ANKFN1: variants seen among roughly 807,000 people sequenced by gnomAD.
ANKFN1 encodes the protein ankyrin repeat and fibronectin type III domain containing 1, also known as ankyrin repeat and fibronectin type-III domain-containing protein 1.
Under a neutral mutation model 108.7 loss-of-function variants are expected in ANKFN1, and 74 were observed. The observed-to-expected ratio is 0.68, with a 90% CI of 0.56 to 0.83. The LOEUF (loss-of-function observed/expected upper bound fraction) is 0.83. ANKFN1 is among the 40% of genes least tolerant of loss of function. The pLI, the probability that ANKFN1 is intolerant of heterozygous loss-of-function variation, is 0.00. For synonymous variants in ANKFN1, 547 were observed against 516.2 expected (o/e 1.06, Z -0.81); for missense variants, 1,505 against 1,382.3 (o/e 1.09, Z -1.41).
At chr17:56,058,560 G>T (rs1904920035) in intron 4 of ANKFN1, among the ~76,000 whole-genome samples, 1 of 151,966 alleles carries the variant, frequency 6.6e-6, no homozygotes, top group African/African-American at 2.4e-5. Flanking sequence ...TGTGCCTATT[G>T]ACCCATCCTC....
intron 3 of ANKFN1, among the ~76,000 whole-genome samples, chr17:56,285,159 C>A (rs1598352685): frequency 6.6e-6 from 1 of 152,180 alleles, no homozygotes; most frequent in Non-Finnish European, 1.5e-5. Flanking sequence ...TTGAACCACA[C>A]CAATGTCATT....
In ANKFN1 at chr17:56,499,082, A is replaced by G. The variant is rs2051288968; in HGVS notation, c.2628A>G (p.Arg876=). ...CACCCCCATCCCCAGAGATGCACAGAAGAAAGACAGTGAGTGGTAAGCAAT... is the reference window on the plus strand; with the variant it reads ...CACCCCCATCCCCAGAGATGCACAGGAGAAAGACAGTGAGTGGTAAGCAAT... ...PSPPPSPEMH[R]RKTVSDSQPC... is the part of the protein sequence containing the mutation. The change falls in exon 20 of 21, where the codon AGA becomes AGG. Residue 876 remains arginine (R), a synonymous_variant. Transcript: ENST00000682825. 6.5e-7 allele frequency: 1 copy of G among 1,535,366 alleles called. No homozygotes were observed. Among genetic ancestry groups the G allele is most frequent in the Admixed American group, 2.0e-5 (1 of 50,962 alleles).
chr17:56,269,693 G>A (rs1174940901), intron 3 of ANKFN1, among the ~76,000 whole-genome samples: 1 of 152,192 alleles, frequency 6.6e-6, no homozygotes, highest in Admixed American at 6.5e-5. Context: ...AAGGCCTTTG[G>A]CAAGGAAACA....
intron 3 of ANKFN1, among the ~76,000 whole-genome samples, chr17:56,290,727 C>G (rs1448824208): frequency 6.6e-6 from 1 of 152,140 alleles, no homozygotes; most frequent in Admixed American, 6.5e-5. Flanking sequence ...TTTAGGCAGG[C>G]AGATGGTAAC....
At chr17:56,156,323 A>C (rs1909114864) in intron 1 of ANKFN1, among the ~76,000 whole-genome samples, 1 of 152,220 alleles carries the variant, frequency 6.6e-6, no homozygotes, top group South Asian at 2.1e-4. Flanking sequence ...CCTGGCCTCA[A>C]GTGGTCCACC....
At chr17:56,288,366 TG>T (rs1243152139) in intron 3 of ANKFN1, among the ~76,000 whole-genome samples, 1 of 152,146 alleles carries the variant, frequency 6.6e-6, no homozygotes, top group African/African-American at 2.4e-5. Flanking sequence ...TGTTTTGTTT[TG>T]TTTTTTTAGC....
At chr17:56,361,506 T>C (rs1004287590) in intron 6 of ANKFN1, among the ~76,000 whole-genome samples, 1 of 152,134 alleles carries the variant, frequency 6.6e-6, no homozygotes. Flanking sequence ...TGACCTTTGG[T>C]AGCTGTGGGA....
intron 1 of ANKFN1, among the ~76,000 whole-genome samples, chr17:56,161,320 T>C (rs1434926635): frequency 6.6e-6 from 1 of 152,260 alleles, no homozygotes; most frequent in Non-Finnish European, 1.5e-5. Context: ...GAACTTGTTC[T>C]TGTTTACTAA....
intron 3 of ANKFN1, among the ~76,000 whole-genome samples, chr17:56,244,590 T>A (rs1352743731): frequency 6.6e-6 from 1 of 152,104 alleles, no homozygotes; most frequent in Non-Finnish European, 1.5e-5. Flanking sequence ...GTTTTTTGGA[T>A]TTTTGTGCTT....
At chr17:56,302,127 T>G (rs1033022615) in intron 3 of ANKFN1, among the ~76,000 whole-genome samples, 11 of 152,370 alleles carry the variant, frequency 7.2e-5, no homozygotes, top group African/African-American at 2.6e-4. Flanking sequence ...CTCCTAAAAT[T>G]ACTTACTGGG....
intron 11 of ANKFN1, among the ~76,000 whole-genome samples, chr17:56,450,317 A>T (rs1463597239): frequency 6.6e-6 from 1 of 152,226 alleles, no homozygotes; most frequent in African/African-American, 2.4e-5. Flanking sequence ...ACTGAGTTTG[A>T]GCTTGCTATA....
chr17:56,195,593 G>A (rs1234842420), intron 1 of ANKFN1, among the ~76,000 whole-genome samples: 1 of 152,096 alleles, frequency 6.6e-6, no homozygotes, highest in Non-Finnish European at 1.5e-5. Context: ...GAAAACCCAG[G>A]ACCCAGAAGG....
At chr17:56,251,481 G>T (rs985222487) in intron 3 of ANKFN1, among the ~76,000 whole-genome samples, 1 of 152,180 alleles carries the variant, frequency 6.6e-6, no homozygotes, top group Non-Finnish European at 1.5e-5. Flanking sequence ...GCCTCTGTTT[G>T]GGGCAGGTTT....
chr17:56,049,023 G>A (rs973160264), intron 4 of ANKFN1, among the ~76,000 whole-genome samples: 1 of 152,200 alleles, frequency 6.6e-6, no homozygotes, highest in African/African-American at 2.4e-5. Flanking sequence ...AGTGATGGAG[G>A]CCAGACAGGG....
At chr17:56,220,830 G>A (rs1915809953) in intron 2 of ANKFN1, among the ~76,000 whole-genome samples, 1 of 43,822 alleles carries the variant, frequency 2.3e-5, no homozygotes, top group African/African-American at 2.1e-4. Flanking sequence ...AAGGAAGGAA[G>A]GGAGGAAGGG....
chr17:56,080,998 G>C lies in ANKFN1; in HGVS notation c.288+34673G>C, dbSNP rs567114556. ...TTCAAAGCCGCTTCTGCAGGGTTGA[G>C]GGGCAACTCACATCCAGTGATGCTG... On this transcript the variant is annotated intron_variant, in intron 4 of 12. Transcript: ENST00000635860. Among the ~76,000 whole-genome samples, 34 of 152,284 alleles carry C rather than the reference G, an allele frequency of 2.2e-4. 1 individual carries two copies. The South Asian group carries it at 7.0e-3, about 32-fold the overall frequency.
chr17:56,166,633 T>A (rs890356148), intron 1 of ANKFN1, among the ~76,000 whole-genome samples: 1 of 152,268 alleles, frequency 6.6e-6, no homozygotes, highest in Non-Finnish European at 1.5e-5. Context: ...TTTAGGCCAC[T>A]GGAATGGCCT....
At chr17:56,111,632 A>T (rs1905970869) in intron 4 of ANKFN1, among the ~76,000 whole-genome samples, 1 of 152,108 alleles carries the variant, frequency 6.6e-6, no homozygotes, top group Admixed American at 6.5e-5. Flanking sequence ...CAAAATAAGC[A>T]TCTTAGGTGA....
At chr17:56,061,712 T>A (rs1904979179) in intron 4 of ANKFN1, among the ~76,000 whole-genome samples, 1 of 152,204 alleles carries the variant, frequency 6.6e-6, no homozygotes, top group Non-Finnish European at 1.5e-5. Flanking sequence ...AAAAAACACC[T>A]CCTGGATTTA....
Sources: gnomAD v4.1 joint callset for allele counts (sites outside exome capture counted in the v4.1 genomes callset) on GRCh38, gnomAD v4.1.1 for gene constraint, MANE v1.5 for transcripts, NCBI Gene and HGNC (gene_info 2026-07-23, HGNC 2026-07-21) for gene names.